PCDHA4: variants seen among roughly 807,000 people sequenced by gnomAD.
PCDHA4 encodes protocadherin alpha-4.
Under a neutral mutation model 61.4 loss-of-function variants are expected in PCDHA4, and 49 were observed. The ratio of observed to expected loss-of-function variants is 0.80; its 90% CI spans 0.63 to 1.01. PCDHA4 has a LOEUF of 1.01. PCDHA4 is among the 50% of genes least tolerant of loss of function. The pLI is 0.00. For missense variants in PCDHA4, 1,254 were observed against 1,235.8 expected (o/e 1.01, Z -0.22); for synonymous variants, 590 against 550.3 (o/e 1.07, Z -1.01).
intron 1 of PCDHA4, chr5:140,927,156 G>A (rs1261418178): frequency 6.2e-7 from 1 of 1,614,016 alleles, no homozygotes; most frequent in African/African-American, 1.3e-5. Flanking sequence ...AGCTGTGCAG[G>A]GCCAAAGCTG....
intron 1 of PCDHA4, chr5:140,823,417 G>T (rs2150125687): frequency 9.9e-6 from 16 of 1,613,174 alleles, no homozygotes; most frequent in Middle Eastern, 1.7e-4. Context: ...GGGCAGCAAC[G>T]TGACGCTGCA....
At chr5:140,941,259 T>TTCTTTCTTTCTTTCTTTC (rs2092988682) in intron 1 of PCDHA4, among the ~76,000 whole-genome samples, 1 of 121,734 alleles carries the variant, frequency 8.2e-6, no homozygotes, top group Non-Finnish European at 1.8e-5. Flanking sequence ...TTCTTTCTCT[T>TTCTTTCTTTCTTTCTTTC]TCTTTCTTTC....
chr5:140,841,114 T>C (rs2150311282), intron 1 of PCDHA4: 5 of 610,018 alleles, frequency 8.2e-6, no homozygotes, highest in Non-Finnish European at 1.4e-5. Flanking sequence ...AAGTAATTCA[T>C]GTAATCATTA....
chr5:140,893,866 C>T (rs915926825), intron 1 of PCDHA4, among the ~76,000 whole-genome samples: 5 of 152,102 alleles, frequency 3.3e-5, no homozygotes, highest in African/African-American at 1.2e-4. Context: ...TAGAAACAAC[C>T]CAGATCCAAA....
At chr5:140,998,211 T>C (rs2097801578) in intron 3 of PCDHA4, among the ~76,000 whole-genome samples, 1 of 152,226 alleles carries the variant, frequency 6.6e-6, no homozygotes. Context: ...TTAATCTGTA[T>C]AACCACACCC....
chr5:140,821,985 C>G (rs377051395), intron 1 of PCDHA4: 4 of 1,614,156 alleles, frequency 2.5e-6, no homozygotes, highest in Non-Finnish European at 3.4e-6. Context: ...CCAAGGGCCG[C>G]GGGGACCTTC....
At chr5:140,841,533 A>T (rs2150317593) in intron 1 of PCDHA4, 20 of 1,613,658 alleles carry the variant, frequency 1.2e-5, no homozygotes, top group Non-Finnish European at 1.7e-5. Context: ...TCCAAAAGAC[A>T]CCGGGACCTT....
At chr5:140,872,400 G>A (rs1582078480) in intron 1 of PCDHA4, among the ~76,000 whole-genome samples, 1 of 152,124 alleles carries the variant, frequency 6.6e-6, no homozygotes, top group Admixed American at 6.5e-5. Context: ...GCTGAGGCAG[G>A]AGAATTGCTT....
Position 140,848,448 on chromosome 5 carries a change from T to G in PCDHA4, c.2385+38876T>G, listed in dbSNP as rs2150410519. 45 of 1,511,666 alleles carry G rather than the reference T, an allele frequency of 3.0e-5. 2 individuals carry two copies. The highest frequency in any genetic ancestry group is 3.9e-5 in the Non-Finnish European group (43 of 1,111,010). 93.6% of individuals were successfully genotyped at this position (1,511,666 alleles called of 1,614,324 possible). The stretch of plus-strand genomic sequence containing the variant: ...ACTGACGAAATCAGATGATTTCTTC[T>G]AATTTGGAGGCAATTTTCACTAATT... On this transcript the variant is annotated intron_variant, in intron 1 of 3. Transcript: ENST00000530339.
intron 1 of PCDHA4, among the ~76,000 whole-genome samples, chr5:140,893,943 G>C (rs550475): frequency 0.54 from 81,510 of 151,914 alleles, 22,066 homozygotes; most frequent in African/African-American, 0.61. Flanking sequence ...TGTTAATTCT[G>C]CATGACTTTA....
chr5:140,862,621 C>T, intron 1 of PCDHA4: 1 of 528,720 alleles, frequency 1.9e-6, no homozygotes. Flanking sequence ...TAACAACCCG[C>T]GGGGCTGCCA....
At chr5:140,884,205 G>T (rs1554181325) in intron 1 of PCDHA4, 3 of 1,613,490 alleles carry the variant, frequency 1.9e-6, no homozygotes, top group East Asian at 4.5e-5. Context: ...CCGCACCACC[G>T]CCTTCTGGTG....
intron 1 of PCDHA4, among the ~76,000 whole-genome samples, chr5:140,941,795 T>G (rs1175900170): frequency 5.9e-5 from 9 of 152,226 alleles, no homozygotes; most frequent in Admixed American, 2.6e-4. Flanking sequence ...CCAAGAATAT[T>G]TAGTTGATTT....
Position 140,808,079 on chromosome 5 carries a change from A to G in PCDHA4, c.892A>G (p.Ile298Val), listed in dbSNP as rs59233330. 4.8e-3 allele frequency: 7,775 copies of G among 1,614,028 alleles called. 313 individuals carry two copies. In the African/African-American group the frequency reaches 0.088, roughly 18 times the overall value. ...NVKSKFHIDP[I>V]TGQIIVKGYI... ...GAAATCCAAGTTTCACATAGATCCA[A>G]TTACTGGACAAATTATTGTAAAGGG... is the stretch of plus-strand genomic sequence containing the variant. The change falls in exon 1 of 4, where the codon ATT becomes GTT. Residue 298 changes from isoleucine (I) to valine (V), a missense_variant. Transcript: ENST00000530339.
chr5:140,901,953 G>A (rs545807968), intron 1 of PCDHA4, among the ~76,000 whole-genome samples: 8 of 151,830 alleles, frequency 5.3e-5, no homozygotes, highest in Non-Finnish European at 7.4e-5. Flanking sequence ...AGTTTTATTC[G>A]TGGCTATCGT....
intron 3 of PCDHA4, among the ~76,000 whole-genome samples, chr5:140,989,792 C>T (rs1324674581): frequency 6.6e-6 from 1 of 152,142 alleles, no homozygotes; most frequent in African/African-American, 2.4e-5. Flanking sequence ...CTAGAGGCCC[C>T]CAGGAAAGGG....
chr5:140,990,754 G>A (rs3822343), intron 3 of PCDHA4, among the ~76,000 whole-genome samples: 7,419 of 152,246 alleles, frequency 0.049, 237 homozygotes, highest in South Asian at 0.11. Flanking sequence ...GGATACCTTT[G>A]AGCCTGTAAA....
At chr5:140,914,583 A>C (rs1583912822) in intron 1 of PCDHA4, among the ~76,000 whole-genome samples, 1 of 151,992 alleles carries the variant, frequency 6.6e-6, no homozygotes, top group East Asian at 1.9e-4. Flanking sequence ...CAATAATTTC[A>C]TTTAAGTAGG....
intron 1 of PCDHA4, chr5:140,823,626 G>T: frequency 6.2e-7 from 1 of 1,614,032 alleles, no homozygotes; most frequent in Non-Finnish European, 8.5e-7. Flanking sequence ...CTGGCAGTGC[G>T]CGCATCCCGT....
Sources: allele counts gnomAD v4.1 joint callset (sites outside exome capture counted in the v4.1 genomes callset), GRCh38; gene constraint gnomAD v4.1.1; transcripts MANE v1.5; gene names NCBI Gene and HGNC (gene_info 2026-07-23, HGNC 2026-07-21).